Variants in PEX11G observed in about 807,000 individuals in gnomAD.
The protein encoded by PEX11G is peroxisomal biogenesis factor 11 gamma.
PEX11G carries 20 observed loss-of-function variants against 22.5 expected under a neutral mutation model. The observed-to-expected ratio is 0.89, with a 90% CI of 0.62 to 1.29. PEX11G has a LOEUF of 1.29. Among genes scored for constraint, PEX11G ranks in the 50% most tolerant of loss-of-function variants. The pLI, the probability that PEX11G is intolerant of heterozygous loss-of-function variation, is 0.00. For missense variants in PEX11G, 347 were observed against 331.3 expected (o/e 1.05, Z -0.37); for synonymous variants, 141 against 154.5 (o/e 0.91, Z 0.65).
chr19:7,480,897 G>C (rs1977459753), intron 3 of PEX11G, among the ~76,000 whole-genome samples: 1 of 152,122 alleles, frequency 6.6e-6, no homozygotes, highest in South Asian at 2.1e-4. Flanking sequence ...TTGCAAAGAG[G>C]AAAATGTTTG....
intron 2 of PEX11G, among the ~76,000 whole-genome samples, chr19:7,485,486 GC>G (rs1300666924): frequency 2.0e-4 from 31 of 151,820 alleles, no homozygotes; most frequent in Non-Finnish European, 5.9e-5. Flanking sequence ...CTCCTGAGTA[GC>G]TGGGACTGCA....
At chr19:7,494,560 C>T (rs1460369554) in intron 1 of PEX11G, among the ~76,000 whole-genome samples, 1 of 152,198 alleles carries the variant, frequency 6.6e-6, no homozygotes, top group African/African-American at 2.4e-5. Context: ...TGCCGGGTCC[C>T]GCTCTAGGCA....
chr19:7,492,452 T>A (rs368915823), upstream of PEX11G, among the ~76,000 whole-genome samples: 8 of 151,300 alleles, frequency 5.3e-5, no homozygotes, highest in East Asian at 1.2e-3. Context: ...TTGTTTGAAT[T>A]TTTTTTTTTG....
intron 1 of PEX11G, among the ~76,000 whole-genome samples, chr19:7,488,354 C>A (rs1460370939): frequency 1.3e-5 from 2 of 152,222 alleles, no homozygotes; most frequent in African/African-American, 4.8e-5. Context: ...AAGTGAATGT[C>A]CAGCCACAGG....
rs1315106885 is a variant in PEX11G at position 7,482,069 on chromosome 19, G to A, written c.392C>T (p.Thr131Ile). The A allele has an allele frequency of 6.3e-7, 1 of 1,596,368 alleles. No homozygotes were observed. Among genetic ancestry groups the A allele is most frequent in the Non-Finnish European group, 8.5e-7 (1 of 1,173,426 alleles). ...CAGGAGCAGAGAGAGGGCCCACAGG[G>A]TTGTACTCAGCGTCCACCACCGAGA... ...DSSRWWTLST[T>I]LWALSLLLGV... The change falls in exon 3 of 5, where the codon ACC (threonine) becomes ATC (isoleucine). Residue 131 changes from threonine (T) to isoleucine (I), a missense_variant. By Grantham distance (89) the Thr-to-Ile change is moderately conservative (BLOSUM62 -1). Transcript: ENST00000221480.
chr19:7,476,949 G>T lies in PEX11G; in HGVS notation c.*253C>A. ...CGACAGGCCCCCTCTTCCTCATCTT[G>T]ATTTGGATACAAGACGCCAGCTGGC... is the stretch of plus-strand genomic sequence containing the variant. On this transcript the variant is annotated 3_prime_UTR_variant, in exon 5 of 5. Coordinates refer to ENST00000221480, the MANE Select transcript of PEX11G (RefSeq NM_080662.4). The T allele has an allele frequency of 2.4e-6, 1 of 409,804 alleles. No homozygotes were observed. The highest frequency in any genetic ancestry group is 4.3e-6 in the Non-Finnish European group (1 of 232,370). 25.4% of individuals were successfully genotyped at this position (409,804 alleles called of 1,614,324 possible).
In PEX11G at chr19:7,485,898, C is replaced by G. The variant is rs1470089134; in HGVS notation, c.189G>C (p.Leu63Phe). ...ACATGGCCAGGTCATCAAAGAGTCG[C>G]AAGATGGTCCTGCAGTGGCTGAGTT... ...STQLSHCRTILRLFDDLAMFV... is the reference protein window; with the variant it reads ...STQLSHCRTIFRLFDDLAMFV... Residue 63 changes from leucine to phenylalanine, a missense_variant, in exon 2 of 5, where the codon TTG becomes TTC. Physicochemically the swap from Leu to Phe is conservative, Grantham distance 22 (BLOSUM62 0). Coordinates refer to ENST00000221480, the MANE Select transcript of PEX11G (RefSeq NM_080662.4). 6.2e-7 allele frequency: 1 copy of G among 1,613,720 alleles called. No homozygotes were observed. Among genetic ancestry groups the G allele is most frequent in the East Asian group, 2.2e-5 (1 of 44,866 alleles).
intron 2 of PEX11G, among the ~76,000 whole-genome samples, chr19:7,482,680 G>A (rs1387885585): frequency 1.3e-5 from 2 of 152,200 alleles, no homozygotes; most frequent in Admixed American, 1.3e-4. Flanking sequence ...TCTATGCAGG[G>A]AGCATGAGGT....
intron 3 of PEX11G, 92 bp downstream of exon 3, chr19:7,481,941 G>A: frequency 1.5e-6 from 2 of 1,315,398 alleles, no homozygotes. Flanking sequence ...ACCGCAGTCT[G>A]AAGCCTGTGC....
At chr19:7,482,300 T>C (rs1445176127) in intron 2 of PEX11G, 89 bp from the exon 3 acceptor site, 2 of 1,388,582 alleles carry the variant, frequency 1.4e-6, no homozygotes, top group Admixed American at 2.5e-5. Context: ...CAGAGAGCTA[T>C]TTCCTGACCC....
chr19:7,488,068 G>A (rs1346853085), intron 1 of PEX11G, among the ~76,000 whole-genome samples: 1 of 152,240 alleles, frequency 6.6e-6, no homozygotes, highest in Non-Finnish European at 1.5e-5. Flanking sequence ...CATAGGGAGA[G>A]TCTTGCAATA....
chr19:7,490,740 G>A (rs2021871255), upstream of PEX11G, among the ~76,000 whole-genome samples: 1 of 143,762 alleles, frequency 7.0e-6, no homozygotes, highest in Admixed American at 7.3e-5. Context: ...GTGCTCTCTG[G>A]GCCTGAGGAC....
At chr19:7,489,862 T>TC (rs2021837361), upstream of PEX11G, among the ~76,000 whole-genome samples, 1 of 150,970 alleles carries the variant, frequency 6.6e-6, no homozygotes, top group South Asian at 2.1e-4. Flanking sequence ...TTTTTTTTTT[T>TC]TTTCTTTTTT....
Position 7,477,392 on chromosome 19 carries a change from T to G in PEX11G, c.536A>C (p.Gln179Pro), listed in dbSNP as rs780494793. Residue 179 changes from glutamine to proline, a missense_variant, in exon 5 of 5, where the codon CAG becomes CCG. Gln to Pro is a moderately conservative substitution (Grantham distance 76). Coordinates refer to ENST00000221480, the MANE Select transcript of PEX11G (RefSeq NM_080662.4). ...GCTGAGAAGTGACAGCGCCTCCGAC[T>G]GCATCTGCGCCTCCATGGCCCTCCG... The part of the protein sequence containing the change: ...GKRRAMEAQM[Q>P]SEALSLLSNL... 20 of 1,537,194 alleles carry G rather than the reference T, an allele frequency of 1.3e-5. No homozygotes were observed. The Admixed American group carries it at 2.5e-4, about 19-fold the overall frequency.
upstream of PEX11G, among the ~76,000 whole-genome samples, chr19:7,490,642 ATTTTTTTTTTTTTT>A (rs749165168): frequency 7.3e-5 from 4 of 55,074 alleles, no homozygotes; most frequent in Non-Finnish European, 9.9e-5. Flanking sequence ...CCTGGCCTCT[ATTTTTTTTTTTTTT>A]TTTTTTTTTT....
At position 7,488,956 on chromosome 19, in the gene PEX11G, G is replaced by A. The variant is rs780777806; in HGVS notation, c.55C>T (p.Arg19Cys). The change falls in exon 1 of 5, where the codon CGC (arginine) becomes TGC (cysteine). Residue 19 changes from arginine to cysteine, a missense_variant. Arg to Cys is a radical substitution (Grantham distance 180). Transcript: ENST00000221480. ...SALESYRGRDRLIRVLGYCCQ... is the reference protein window; with the variant it reads ...SALESYRGRDCLIRVLGYCCQ... ...CCGGTCCGCCCCTGCCTCACCAGGC[G>A]GTCCCGGCCCCTGTACGACTCCAGC... 8.4e-6 allele frequency: 13 copies of A among 1,553,662 alleles called. No homozygotes were observed. Among genetic ancestry groups the A allele is most frequent in the Admixed American group, 3.8e-5 (2 of 52,112 alleles).
At chr19:7,492,492 G>A (rs558575972), upstream of PEX11G, among the ~76,000 whole-genome samples, 1 of 151,994 alleles carries the variant, frequency 6.6e-6, no homozygotes, top group South Asian at 2.1e-4. Context: ...TGCCTAGGCT[G>A]GAGTGCAGTG....
chr19:7,491,481 C>T (rs1308343952), upstream of PEX11G, among the ~76,000 whole-genome samples: 1 of 151,842 alleles, frequency 6.6e-6, no homozygotes, highest in African/African-American at 2.4e-5. Context: ...GTTGGCCAGG[C>T]TGGTCTTGAA....
upstream of PEX11G, among the ~76,000 whole-genome samples, chr19:7,490,371 A>G (rs986143998): frequency 6.6e-6 from 1 of 151,072 alleles, no homozygotes; most frequent in Non-Finnish European, 1.5e-5. Flanking sequence ...CCCAGGCTGG[A>G]GTGCAGTGGC....
Sources: allele counts gnomAD v4.1 joint callset (sites outside exome capture counted in the v4.1 genomes callset), GRCh38; gene constraint gnomAD v4.1.1; transcripts MANE v1.5; gene names NCBI Gene and HGNC (gene_info 2026-07-23, HGNC 2026-07-21).